GNB4: variants seen among roughly 807,000 people sequenced by gnomAD.
GNB4 encodes guanine nucleotide-binding protein subunit beta-4.
Under a neutral mutation model 45.2 loss-of-function variants are expected in GNB4, and 28 were observed. The observed-to-expected ratio is 0.62, with a 90% CI of 0.46 to 0.85. The LOEUF is 0.85. Ranked by LOEUF, GNB4 falls within the 40% of genes least tolerant of loss-of-function variation. The pLI is 0.00. For missense variants in GNB4, 321 were observed against 425.4 expected, an observed-to-expected ratio of 0.75 and a Z score of 2.16; for synonymous variants, 132 against 143.7, an observed-to-expected ratio of 0.92 and a Z score of 0.58.
At chr3:179,416,226 CATTT>C (rs1298950477) in intron 5 of GNB4, among the ~76,000 whole-genome samples, 2 of 152,032 alleles carry the variant, frequency 1.3e-5, no homozygotes, top group African/African-American at 4.8e-5. Context: ...TTTTAAAAAT[CATTT>C]ATTAGTATAT....
intron 1 of GNB4, among the ~76,000 whole-genome samples, chr3:179,431,392 A>G (rs902554935): frequency 2.0e-5 from 3 of 152,000 alleles, no homozygotes; most frequent in African/African-American, 7.3e-5. Context: ...CCCCATCTCT[A>G]CTAAAAATAC....
At chr3:179,451,549 G>GCGAGGCA (rs1184769595), upstream of GNB4, 18 of 150,504 alleles carry the variant, frequency 1.2e-4, no homozygotes, top group African/African-American at 4.1e-4. Flanking sequence ...GGCGCGAGGC[G>GCGAGGCA]CGAGGCACGA....
intron 1 of GNB4, among the ~76,000 whole-genome samples, chr3:179,443,502 G>A (rs570020442): frequency 1.6e-4 from 25 of 152,266 alleles, no homozygotes; most frequent in African/African-American, 5.8e-4. Context: ...TCTCACCACT[G>A]TACTCCAGCC....
chr3:179,417,798 C>T (rs1714846821), intron 4 of GNB4, among the ~76,000 whole-genome samples: 1 of 152,176 alleles, frequency 6.6e-6, no homozygotes, highest in African/African-American at 2.4e-5. Context: ...CCACCCAGTT[C>T]CTTTCCCTAG....
At chr3:179,504,380 A>G in the GNB4 span, among the ~76,000 whole-genome samples, 5 of 152,324 alleles carry the variant, frequency 3.3e-5, no homozygotes, top group South Asian at 1.0e-3. Context: ...ACAAAAGGAC[A>G]TGCTGATCCA....
chr3:179,454,356 A>C (rs538428628), upstream of GNB4, among the ~76,000 whole-genome samples: 11 of 152,338 alleles, frequency 7.2e-5, 1 homozygote, highest in African/African-American at 2.6e-4. Context: ...CAAATAAATG[A>C]GTGAATGCAC....
chr3:179,518,900 G>C, the GNB4 span, among the ~76,000 whole-genome samples: 1 of 152,074 alleles, frequency 6.6e-6, no homozygotes, highest in Admixed American at 6.6e-5. Context: ...ATTAAATAAA[G>C]CTCCAAAAAT....
intron 1 of GNB4, among the ~76,000 whole-genome samples, chr3:179,428,839 A>AG (rs1166377157): frequency 6.6e-6 from 1 of 152,142 alleles, no homozygotes; most frequent in Non-Finnish European, 1.5e-5. Context: ...CTTCCCCCAA[A>AG]GCCACACACA....
chr3:179,512,180 C>T, the GNB4 span, among the ~76,000 whole-genome samples: 1 of 152,150 alleles, frequency 6.6e-6, no homozygotes, highest in African/African-American at 2.4e-5. Context: ...AGGCCAGGCA[C>T]CTGACATCAA....
At chr3:179,507,457 C>T in the GNB4 span, among the ~76,000 whole-genome samples, 3 of 152,088 alleles carry the variant, frequency 2.0e-5, no homozygotes, top group African/African-American at 7.2e-5. Context: ...AAAAGAAAGG[C>T]TTGTAGCATA....
the GNB4 span, among the ~76,000 whole-genome samples, chr3:179,483,369 A>G: frequency 6.6e-6 from 1 of 151,984 alleles, no homozygotes; most frequent in South Asian, 2.1e-4. Context: ...GAATAAATTT[A>G]TATCACTCAG....
At chr3:179,444,202 CA>C (rs576643480) in intron 1 of GNB4, among the ~76,000 whole-genome samples, 61 of 152,218 alleles carry the variant, frequency 4.0e-4, no homozygotes, top group Admixed American at 1.3e-3. Context: ...GTCTTACAGC[CA>C]GGAGGAGTCT....
chr3:179,468,035 A>AAAAAAAAAATATATATATAT, the GNB4 span, among the ~76,000 whole-genome samples: 1,019 of 89,824 alleles, frequency 0.011, 72 homozygotes, highest in Middle Eastern at 0.071. Flanking sequence ...TGTTGATAAA[A>AAAAAAAAAATATATATATAT]ATATATATAT....
rs116386416 is a variant in GNB4, at chr3:179,413,841, G to A, written c.431-60C>T. 8.0e-4 allele frequency: 938 copies of A among 1,179,240 alleles called. 5 individuals carry two copies. The African/African-American group carries it at 0.013, about 16-fold the overall frequency. The allele number at this position is 1,179,240 out of a possible 1,614,324, so 73.0% of individuals were successfully genotyped here. A position where few individuals can be genotyped will look rare whatever the true frequency, so the allele number is the denominator to read the frequency against. On this transcript the variant is annotated intron_variant, in intron 6 of 9. Transcript: ENST00000232564. ...ACTGATTGAATAACTCAGTTACCAT[G>A]TGAAATAGCAATATATATTTTTAAA...
At chr3:179,436,596 AT>A (rs952685275) in intron 1 of GNB4, among the ~76,000 whole-genome samples, 14 of 151,454 alleles carry the variant, frequency 9.2e-5, no homozygotes, top group South Asian at 4.2e-4. Context: ...AGCTTTTATG[AT>A]TTTTTTTTAA....
chr3:179,469,039 A>G, the GNB4 span, among the ~76,000 whole-genome samples: 5 of 152,108 alleles, frequency 3.3e-5, no homozygotes, highest in Non-Finnish European at 7.4e-5. Flanking sequence ...AAACCCTTTA[A>G]CCAATTGCCA....
the GNB4 span, among the ~76,000 whole-genome samples, chr3:179,472,233 A>C: frequency 1.3e-5 from 2 of 152,086 alleles, no homozygotes; most frequent in Admixed American, 6.5e-5. Context: ...CAAAATATCA[A>C]CATTAGTTTT....
At chr3:179,430,541 C>T (rs1715280237) in intron 1 of GNB4, among the ~76,000 whole-genome samples, 1 of 152,080 alleles carries the variant, frequency 6.6e-6, no homozygotes, top group South Asian at 2.1e-4. Flanking sequence ...TAACCTCAAA[C>T]TCCTGAGCTC....
At chr3:179,467,235 C>T in the GNB4 span, among the ~76,000 whole-genome samples, 1 of 152,090 alleles carries the variant, frequency 6.6e-6, no homozygotes. Flanking sequence ...CTGGTCTTGA[C>T]CTCCTGAGCT....
Sources: gnomAD v4.1 joint callset for allele counts (sites outside exome capture counted in the v4.1 genomes callset) on GRCh38, gnomAD v4.1.1 for gene constraint, MANE v1.5 for transcripts, NCBI Gene and HGNC (gene_info 2026-07-23, HGNC 2026-07-21) for gene names.